Variants in ACTN3 observed in about 807,000 individuals in gnomAD.
ACTN3 encodes the protein alpha-actinin-3.
A neutral mutation model predicts 119.6 loss-of-function variants in ACTN3; 91 were observed. The ratio of observed to expected loss-of-function variants is 0.76; its 90% confidence interval spans 0.64 to 0.91. The LOEUF (loss-of-function observed/expected upper bound fraction) is 0.91. Among genes scored for constraint, ACTN3 ranks in the 40% least tolerant of loss-of-function variants. The pLI is 0.00. For missense variants in ACTN3, 1,221 were observed against 1,215.1 expected, an observed-to-expected ratio of 1.00 and a Z score of -0.07; for synonymous variants, 456 against 478.8, an observed-to-expected ratio of 0.95 and a Z score of 0.62.
Position 66,546,930 on chromosome 11 carries a change from C to G in ACTN3, c.-8C>G, listed in dbSNP as rs1023918617. ...GCCGAGCGGAGCGAAGCCAGGAGCC[C>G]GATCGAGATGATGATGGTTATGCAG... On this transcript the variant is annotated 5_prime_UTR_variant, in exon 1 of 21. Coordinates refer to ENST00000513398, the MANE Select transcript of ACTN3 (RefSeq NM_001104.4). The G allele has an allele frequency of 1.3e-5, 20 of 1,537,162 alleles. No individual in the cohort carries two copies. The highest frequency in any genetic ancestry group is 5.5e-5 in the African/African-American group (4 of 72,318).
In ACTN3 at chr11:66,559,273, G is replaced by C; in HGVS notation, c.1314G>C (p.Ser438=). Residue 438 remains serine, a synonymous_variant, in exon 12 of 21, where the codon TCG becomes TCC. Coordinates refer to ENST00000513398, the MANE Select transcript of ACTN3 (RefSeq NM_001104.4). ...EEMLSQRDYD[S]ALLQEVRALL... Reference sequence around the variant, plus strand: ...TGCTGAGCCAGCGCGACTACGATTCGGCTTTGCTACAGGAGGTGCGGGCGT... The same window carrying C: ...TGCTGAGCCAGCGCGACTACGATTCCGCTTTGCTACAGGAGGTGCGGGCGT... 1 of 1,566,888 alleles carries C rather than the reference G, an allele frequency of 6.4e-7. No homozygotes were observed. The highest frequency in any genetic ancestry group is 1.9e-4 in the Middle Eastern group (1 of 5,310).
rs778566213 is a variant in ACTN3 at position 66,557,165 on chromosome 11, G to A, written c.837G>A (p.Val279=). The A allele has an allele frequency of 2.6e-6, 4 of 1,553,530 alleles. No individual in the cohort carries two copies. In the East Asian group the frequency reaches 9.8e-5, roughly 38 times the overall value. ...AETAANRICK[V]LAVNQENEKL... is the part of the protein sequence containing the mutation. The stretch of plus-strand genomic sequence containing the variant: ...CAGCTGCCAACAGGATCTGCAAGGT[G>A]CTGGCAGTGAACCAGGAAAACGAGA... The change falls in exon 9 of 21, where the codon GTG becomes GTA. Residue 279 remains valine, a synonymous_variant. Transcript: ENST00000513398.
intron 1 of ACTN3, among the ~76,000 whole-genome samples, chr11:66,547,885 G>A (rs760003737): frequency 6.6e-4 from 100 of 152,236 alleles, no homozygotes; most frequent in Middle Eastern, 3.4e-3. Flanking sequence ...GGCACTCAGG[G>A]CCCCTCCCTC....
chr11:66,558,201 G>A, intron 11 of ACTN3, 27 bp downstream of exon 11: 1 of 1,609,336 alleles, frequency 6.2e-7, no homozygotes, highest in East Asian at 2.2e-5. Flanking sequence ...CATGGGGCTG[G>A]ACTGTCTCTT....
rs1008416040 is a variant in ACTN3 at position 66,557,297 on chromosome 11, C to T, written c.897+72C>T. The T allele has an allele frequency of 1.1e-5, 16 of 1,422,328 alleles. No homozygotes were observed. In the East Asian group the frequency reaches 1.5e-4, roughly 13 times the overall value. The allele number at this position is 1,422,328 out of a possible 1,614,324, so 88.1% of individuals were successfully genotyped here. A position where few individuals can be genotyped will look rare whatever the true frequency, so the allele number is the denominator to read the frequency against. On this transcript the variant is annotated intron_variant, in intron 9 of 20. Coordinates refer to ENST00000513398, the MANE Select transcript of ACTN3 (RefSeq NM_001104.4). ...CTCTCCCAACCCTGCTAACCCCAAG[C>T]GTGGGCCTGCAGAGCCTCCCTCTGC...
In ACTN3 at chr11:66,561,083, G is replaced by A. The variant is rs186957191; in HGVS notation, c.1861-144G>A. 5,255 of 1,179,760 alleles carry A rather than the reference G, an allele frequency of 4.5e-3. 14 individuals are homozygous for A. The highest frequency in any genetic ancestry group is 5.8e-3 in the Non-Finnish European group (4,969 of 862,576). 73.1% of individuals were successfully genotyped at this position (1,179,760 alleles called of 1,614,324 possible). A position where few individuals can be genotyped will look rare whatever the true frequency, so the allele number is the denominator to read the frequency against. On this transcript the variant is annotated intron_variant, in intron 15 of 20. Transcript: ENST00000513398. ...AAAACTGAAGCCCACATGGGTTAGT[G>A]ACTTGCCCAAGAGCTTTCTCGTATA... is the stretch of plus-strand genomic sequence containing the variant.
Position 66,557,228 on chromosome 11 carries a change from G to A in ACTN3, c.897+3G>A, listed in dbSNP as rs1857609703. The A allele has an allele frequency of 2.6e-6, 4 of 1,552,100 alleles. No homozygotes were observed. Among genetic ancestry groups the A allele is most frequent in the African/African-American group, 2.7e-5 (2 of 73,122 alleles). ...AGTATGAGAAGCTTGCCAGTGAGGT[G>A]AGGCTGGGCTCCCACCGTGCTCTCC... On this transcript the variant is annotated splice_donor_region_variant and intron_variant, in intron 9 of 20. Coordinates refer to ENST00000513398, the MANE Select transcript of ACTN3 (RefSeq NM_001104.4).
intron 19 of ACTN3, 82 bp from the exon 20 acceptor site, chr11:66,562,714 T>C: frequency 1.4e-6 from 2 of 1,456,588 alleles, no homozygotes; most frequent in Non-Finnish European, 1.9e-6. Flanking sequence ...TAGCTGAGGT[T>C]GGACAGTCCC....
intron 11 of ACTN3, among the ~76,000 whole-genome samples, chr11:66,558,520 A>C (rs777179264): frequency 1.9e-4 from 29 of 152,112 alleles, no homozygotes; most frequent in Non-Finnish European, 2.8e-4. Flanking sequence ...GGCGTGCACC[A>C]CCACGCCCAG....
At chr11:66,556,922 G>T (rs963842408) in intron 8 of ACTN3, among the ~76,000 whole-genome samples, 5 of 152,046 alleles carry the variant, frequency 3.3e-5, no homozygotes, top group Non-Finnish European at 7.4e-5. Flanking sequence ...CACCACGCCC[G>T]GCCAATTTTT....
Position 66,561,269 on chromosome 11 carries a change from G to A in ACTN3, c.1903G>A (p.Glu635Lys), listed in dbSNP as rs755463676. ...VPSCDQTLQE[E>K]LARQQVNERL... ...CAGCTGTGACCAGACACTGCAGGAG[G>A]AGCTGGCACGGCAGCAGGTAAACGA... Residue 635 changes from glutamate (E) to lysine (K), a missense_variant, in exon 16 of 21, where the codon GAG becomes AAG. By Grantham distance (56) the Glu-to-Lys change is moderately conservative. Transcript: ENST00000513398. 6.9e-6 allele frequency: 11 copies of A among 1,601,854 alleles called. No homozygotes were observed. The highest frequency in any genetic ancestry group is 6.7e-5 in the African/African-American group (5 of 74,694).
In ACTN3 at chr11:66,561,656, A is replaced by G; in HGVS notation, c.2175+19A>G. ...CATGGAGGTGGGATCACACCCTCTC[A>G]GGAGAGTGGGGAGGCAGCACTGGCT... On this transcript the variant is annotated intron_variant, in intron 17 of 20. Transcript: ENST00000513398. The G allele has an allele frequency of 1.9e-6, 3 of 1,604,108 alleles. No homozygotes were observed. Among genetic ancestry groups the G allele is most frequent in the East Asian group, 2.2e-5 (1 of 44,654 alleles).
At chr11:66,556,982 C>T (rs1224190141) in intron 8 of ACTN3, 151 bp from the exon 9 acceptor site, 8 of 599,444 alleles carry the variant, frequency 1.3e-5, no homozygotes, top group South Asian at 3.8e-5. Context: ...AGGATGGTTT[C>T]GATCTCCTGA....
intron 15 of ACTN3, 134 bp downstream of exon 15, chr11:66,560,889 T>C: frequency 9.9e-7 from 1 of 1,007,802 alleles, no homozygotes; most frequent in Non-Finnish European, 1.5e-6. Context: ...CACGTGGGAT[T>C]GGATAAATCG....
chr11:66,558,230 C>T, intron 11 of ACTN3, 56 bp downstream of exon 11: 2 of 1,596,952 alleles, frequency 1.3e-6, no homozygotes, highest in South Asian at 1.1e-5. Flanking sequence ...GATTGGTGTG[C>T]AGGGGCAGGA....
At chr11:66,555,459 T>A in intron 7 of ACTN3, 92 bp downstream of exon 7, 1 of 1,369,842 alleles carries the variant, frequency 7.3e-7, no homozygotes, top group Non-Finnish European at 1.0e-6. Flanking sequence ...TTCCTCCTCC[T>A]GGGATGCTCC....
rs1326338491 is a variant in ACTN3 at position 66,556,171 on chromosome 11, G to A, written c.745G>A (p.Glu249Lys). The change falls in exon 8 of 21, where the codon GAG becomes AAG. Residue 249 changes from glutamate to lysine, a missense_variant. Coordinates refer to ENST00000513398, the MANE Select transcript of ACTN3 (RefSeq NM_001104.4). ...EDIVNTPKPD[E>K]KAIMTYVSCF... Reference sequence around the variant, plus strand: ...CATTGTGAACACCCCAAAGCCGGATGAGAAGGCCATCATGACCTATGTGTC... The same window carrying A: ...CATTGTGAACACCCCAAAGCCGGATAAGAAGGCCATCATGACCTATGTGTC... 1 of 1,613,906 alleles carries A rather than the reference G, an allele frequency of 6.2e-7. No individual in the cohort carries two copies. Among genetic ancestry groups the A allele is most frequent in the South Asian group, 1.1e-5 (1 of 91,030 alleles).
intron 10 of ACTN3, 45 bp from the exon 11 acceptor site, chr11:66,557,982 A>G (rs768205898): frequency 1.9e-6 from 3 of 1,613,334 alleles, no homozygotes; most frequent in Non-Finnish European, 8.5e-7. Context: ...TCCCATCTGT[A>G]CAATGGGCAA....
At chr11:66,556,478 C>G (rs981065898) in intron 8 of ACTN3, among the ~76,000 whole-genome samples, 4 of 152,200 alleles carry the variant, frequency 2.6e-5, no homozygotes, top group African/African-American at 9.6e-5. Context: ...GAGACAGAGT[C>G]TCACTCTGTC....
Sources: allele counts gnomAD v4.1 joint callset (sites outside exome capture counted in the v4.1 genomes callset), GRCh38; gene constraint gnomAD v4.1.1; transcripts MANE v1.5; gene names NCBI Gene and HGNC (gene_info 2026-07-23, HGNC 2026-07-21).